UGT1A4: variants seen among roughly 807,000 people sequenced by gnomAD.
The protein encoded by UGT1A4 is UDP-glucuronosyltransferase 1A4.
Under a neutral mutation model 41.1 loss-of-function variants are expected in UGT1A4, and 32 were observed. That is an observed-to-expected ratio of 0.78 (90% CI 0.59 to 1.05). The LOEUF (loss-of-function observed/expected upper bound fraction) is 1.05. Ranked by LOEUF, UGT1A4 falls within the 50% of genes least tolerant of loss-of-function variation. UGT1A4 has a pLI of 0.00. For missense variants in UGT1A4, 748 were observed against 677.4 expected (o/e 1.10, Z -1.16); for synonymous variants, 283 against 265.1 (o/e 1.07, Z -0.66).
chr2:233,724,904 G>C (rs1208234337), intron 1 of UGT1A4, among the ~76,000 whole-genome samples: 2 of 139,120 alleles, frequency 1.4e-5, no homozygotes. Context: ...TCCAGCCTGG[G>C]CACCATTGAG....
Position 233,772,371 on chromosome 2 carries a change from C to T in UGT1A4, c.1417C>T (p.Pro473Ser), listed in dbSNP as rs377565834. Reference sequence around the variant, plus strand: ...GTTTGTGATGAGGCACAAGGGCGCGCCACACCTGCGCCCCGCAGCCCACGA... The same window carrying T: ...GTTTGTGATGAGGCACAAGGGCGCGTCACACCTGCGCCCCGCAGCCCACGA... ...VEFVMRHKGA[P>S]HLRPAAHDLT... Residue 473 changes from proline to serine, a missense_variant, in exon 5 of 5, where the codon CCA becomes TCA. Coordinates refer to ENST00000373409, the MANE Select transcript of UGT1A4 (RefSeq NM_007120.3). 8 of 1,614,242 alleles carry T rather than the reference C, an allele frequency of 5.0e-6. No individual in the cohort carries two copies. Among genetic ancestry groups the T allele is most frequent in the Non-Finnish European group, 6.8e-6 (8 of 1,180,046 alleles).
chr2:233,746,849 C>A (rs1171057380), intron 1 of UGT1A4, among the ~76,000 whole-genome samples: 1 of 151,698 alleles, frequency 6.6e-6, no homozygotes, highest in African/African-American at 2.4e-5. Flanking sequence ...CCTCTCAGAC[C>A]TCAGCTGCAG....
intron 1 of UGT1A4, among the ~76,000 whole-genome samples, chr2:233,738,509 G>A (rs533932753): frequency 1.3e-5 from 2 of 152,322 alleles, no homozygotes; most frequent in African/African-American, 4.8e-5. Context: ...CCAAAATGCT[G>A]ATAATGTTGT....
At chr2:233,728,691 G>A (rs2077742456) in intron 1 of UGT1A4, among the ~76,000 whole-genome samples, 1 of 152,170 alleles carries the variant, frequency 6.6e-6, no homozygotes, top group South Asian at 2.1e-4. Flanking sequence ...AAGTTTCAAG[G>A]GTTAGCAAAT....
At chr2:233,760,844 GCC>G in intron 1 of UGT1A4, 1 of 1,613,986 alleles carries the variant, frequency 6.2e-7, no homozygotes, top group Non-Finnish European at 8.5e-7. Flanking sequence ...GCTACCCAGT[GCC>G]CCAACCCATT....
Position 233,757,558 on chromosome 2 carries a change from A to ATATATATATG in UGT1A4, c.868-9473_868-9472insATATATGTAT, listed in dbSNP as rs1553619909. ...GGAATATATATATATATATATATAT[A>ATATATATATG]TATGTATATATGATATAGCTATAGT... On this transcript the variant is annotated intron_variant, in intron 1 of 4. Transcript: ENST00000373409. 2.4e-5 allele frequency among the ~76,000 whole-genome samples: 3 copies of ATATATATATG among 124,458 alleles called. No homozygotes were observed. In the East Asian group the frequency reaches 6.3e-4, roughly 26 times the overall value. 81.6% of individuals were successfully genotyped at this position (124,458 alleles called of 152,430 possible). A position where few individuals can be genotyped will look rare whatever the true frequency, so the allele number is the denominator to read the frequency against.
chr2:233,754,555 A>T (rs1416104293), intron 1 of UGT1A4: 3 of 389,270 alleles, frequency 7.7e-6, no homozygotes, highest in Non-Finnish European at 1.5e-5. Context: ...CTTGGTGTCA[A>T]TGGGGAGCAA....
At chr2:233,720,819 C>T (rs2076894500) in intron 1 of UGT1A4, among the ~76,000 whole-genome samples, 2 of 151,784 alleles carry the variant, frequency 1.3e-5, no homozygotes, top group African/African-American at 4.8e-5. Flanking sequence ...AATTCTCCCA[C>T]CTCAGTCTCC....
intron 1 of UGT1A4, chr2:233,743,008 TACA>T (rs1692158299): frequency 4.2e-6 from 1 of 239,364 alleles, no homozygotes; most frequent in Admixed American, 5.1e-5. Context: ...ACAGATATTT[TACA>T]ACGATTGAAA....
chr2:233,746,338 A>G (rs1693368906), intron 1 of UGT1A4, among the ~76,000 whole-genome samples: 1 of 151,758 alleles, frequency 6.6e-6, no homozygotes, highest in South Asian at 2.1e-4. Flanking sequence ...GGCAATGGAC[A>G]TGTTTATGTT....
In UGT1A4 at chr2:233,719,021, G is replaced by A. The variant is rs751307422; in HGVS notation, c.201G>A (p.Met67Ile). 3 of 1,614,262 alleles carry A rather than the reference G, an allele frequency of 1.9e-6. No individual in the cohort carries two copies. Among genetic ancestry groups the A allele is most frequent in the Non-Finnish European group, 2.5e-6 (3 of 1,180,038 alleles). ...TGGTCCTCACCCCAGAGGTGAATAT[G>A]CACATCAAAGAAGAGAAATTTTTCA... ...QAVVLTPEVN[M>I]HIKEEKFFTL... The change falls in exon 1 of 5, where the codon ATG becomes ATA. Residue 67 changes from methionine (M) to isoleucine (I), a missense_variant. Physicochemically the swap from Met to Ile is conservative, Grantham distance 10. Coordinates refer to ENST00000373409, the MANE Select transcript of UGT1A4 (RefSeq NM_007120.3).
intron 1 of UGT1A4, chr2:233,721,974 C>G (rs1194611590): frequency 3.7e-5 from 10 of 270,972 alleles, no homozygotes; most frequent in Non-Finnish European, 7.4e-5. Context: ...CATTGATGGC[C>G]TGGGTAGTTT....
At chr2:233,727,355 C>A (rs1460228940) in intron 1 of UGT1A4, among the ~76,000 whole-genome samples, 2 of 152,284 alleles carry the variant, frequency 1.3e-5, no homozygotes, top group East Asian at 3.9e-4. Context: ...TTCTGCTATC[C>A]TTAGGGCCCC....
chr2:233,750,979 T>C (rs1345929720), intron 1 of UGT1A4, among the ~76,000 whole-genome samples: 3 of 151,782 alleles, frequency 2.0e-5, no homozygotes, highest in Admixed American at 6.5e-5. Context: ...AGTGGAGTTG[T>C]GAGAAGGCGG....
intron 1 of UGT1A4, among the ~76,000 whole-genome samples, chr2:233,765,971 T>A (rs950382144): frequency 6.6e-6 from 1 of 152,072 alleles, no homozygotes; most frequent in African/African-American, 2.4e-5. Context: ...TAGAGGTGGA[T>A]GTTTACAGCT....
chr2:233,769,790 G>A lies in UGT1A4; in HGVS notation c.1307+1351G>A. On this transcript the variant is annotated intron_variant, in intron 4 of 4. Transcript: ENST00000373409. The surrounding 1 kb of genome is among the most constrained non-coding windows in gnomAD (Gnocchi z 4.4). ...GGATTGCTTGAGCCCAGAAGTTGGA[G>A]GCTGCTATGAGCCGTGATCATGCCA... is the stretch of plus-strand genomic sequence containing the variant. 7.7e-7 allele frequency: 1 copy of A among 1,301,106 alleles called. No individual in the cohort carries two copies. Among genetic ancestry groups the A allele is most frequent in the Non-Finnish European group, 1.0e-6 (1 of 985,722 alleles). The allele number at this position is 1,301,106 out of a possible 1,614,324, so 80.6% of individuals were successfully genotyped here. A position where few individuals can be genotyped will look rare whatever the true frequency, so the allele number is the denominator to read the frequency against.
At chr2:233,743,640 A>T in intron 1 of UGT1A4, 1 of 1,367,298 alleles carries the variant, frequency 7.3e-7, no homozygotes, top group Non-Finnish European at 9.8e-7. Context: ...GGGTCGCGGA[A>T]GCTGAAGACG....
intron 1 of UGT1A4, chr2:233,729,094 G>T: frequency 9.9e-6 from 16 of 1,612,652 alleles, no homozygotes; most frequent in Non-Finnish European, 1.4e-5. Flanking sequence ...ACAGCGTGGG[G>T]TGGACAGTCA....
chr2:233,729,041 C>T (rs1448371491), intron 1 of UGT1A4: 32 of 1,605,278 alleles, frequency 2.0e-5, no homozygotes, highest in Non-Finnish European at 2.7e-5. Flanking sequence ...CTAAGTGGCT[C>T]AGTGACAAGG....
Sources: gnomAD v4.1 joint callset for allele counts (sites outside exome capture counted in the v4.1 genomes callset) on GRCh38, gnomAD v4.1.1 for gene constraint, Gnocchi (gnomAD v3.1) non-coding constraint, MANE v1.5 for transcripts, NCBI Gene and HGNC (gene_info 2026-07-23, HGNC 2026-07-21) for gene names.